Variants in KCTD8 observed in about 807,000 individuals in gnomAD.
KCTD8 encodes potassium channel tetramerization domain containing 8.
KCTD8 carries 27 observed loss-of-function variants against 31.5 expected under a neutral mutation model. The ratio of observed to expected loss-of-function variants is 0.86; its 90% CI spans 0.63 to 1.18. The LOEUF is 1.18. Among genes scored for constraint, KCTD8 ranks in the 50% most tolerant of loss-of-function variants. KCTD8 has a pLI of 0.00. For missense variants in KCTD8, 658 were observed against 647.7 expected (o/e 1.02, Z -0.17); for synonymous variants, 290 against 280.0 (o/e 1.04, Z -0.36).
chr4:44,262,924 G>C (rs971367130), intron 1 of KCTD8, among the ~76,000 whole-genome samples: 1 of 152,004 alleles, frequency 6.6e-6, no homozygotes, highest in Non-Finnish European at 1.5e-5. Flanking sequence ...TATTGTAATT[G>C]GTATGAAAAC....
At chr4:44,179,899 TTACTC>T (rs1478327271) in intron 1 of KCTD8, among the ~76,000 whole-genome samples, 2 of 152,280 alleles carry the variant, frequency 1.3e-5, no homozygotes, top group East Asian at 3.9e-4. Context: ...TAAATAATGA[TTACTC>T]TAGTTGCCCA....
At chr4:44,408,591 A>C (rs566382755) in intron 1 of KCTD8, among the ~76,000 whole-genome samples, 4 of 152,294 alleles carry the variant, frequency 2.6e-5, no homozygotes, top group East Asian at 1.9e-4. Context: ...CTGAATAGAT[A>C]ATTTGTAATC....
intron 1 of KCTD8, among the ~76,000 whole-genome samples, chr4:44,229,955 C>T (rs149229315): frequency 3.7e-3 from 562 of 151,888 alleles, no homozygotes; most frequent in Non-Finnish European, 6.7e-3. Flanking sequence ...TTAGGTATTT[C>T]TCCTAATGCT....
At chr4:44,202,904 A>T (rs910246212) in intron 1 of KCTD8, among the ~76,000 whole-genome samples, 3 of 152,212 alleles carry the variant, frequency 2.0e-5, no homozygotes, top group Non-Finnish European at 4.4e-5. Context: ...AGTATTAAAT[A>T]GGAAAATATT....
intron 1 of KCTD8, among the ~76,000 whole-genome samples, chr4:44,262,574 A>G (rs973956972): frequency 4.6e-5 from 7 of 152,112 alleles, no homozygotes; most frequent in African/African-American, 1.4e-4. Flanking sequence ...ACCAATGACA[A>G]GTAGAATTTG....
At chr4:44,243,998 C>T (rs1715578500) in intron 1 of KCTD8, among the ~76,000 whole-genome samples, 1 of 152,194 alleles carries the variant, frequency 6.6e-6, no homozygotes, top group Non-Finnish European at 1.5e-5. Flanking sequence ...CTTCACTTTA[C>T]TCCCCTCACC....
At chr4:44,202,341 A>G (rs562104682) in intron 1 of KCTD8, among the ~76,000 whole-genome samples, 23 of 152,294 alleles carry the variant, frequency 1.5e-4, no homozygotes, top group Admixed American at 9.8e-4. Context: ...TGTTCATTGC[A>G]GCACTATTCA....
intron 1 of KCTD8, among the ~76,000 whole-genome samples, chr4:44,300,933 T>C: frequency 6.9e-6 from 1 of 144,788 alleles, no homozygotes; most frequent in East Asian, 2.1e-4. Flanking sequence ...GTTCTCATTG[T>C]TCAATTCCCA....
rs2109326314 is a variant in KCTD8 at position 44,174,220 on chromosome 4, C to T, written c.*570G>A. ...TTACATTTATAGGCTTTGTCTAAAA[C>T]ATTTTTTTTTGCTTTTTTTTGTAAT... is the stretch of plus-strand genomic sequence containing the variant. On this transcript the variant is annotated 3_prime_UTR_variant, in exon 2 of 2. Transcript: ENST00000360029. 1 of 151,308 alleles carries T rather than the reference C, an allele frequency of 6.6e-6. No individual in the cohort carries two copies. The highest frequency in any genetic ancestry group is 2.5e-5 in the African/African-American group (1 of 40,294). 9.4% of individuals were successfully genotyped at this position (151,308 alleles called of 1,614,324 possible).
At chr4:44,418,677 T>A (rs912802838) in intron 1 of KCTD8, among the ~76,000 whole-genome samples, 1 of 152,164 alleles carries the variant, frequency 6.6e-6, no homozygotes, top group African/African-American at 2.4e-5. Context: ...AGACATGCCT[T>A]TCACAGAATT....
At position 44,270,397 on chromosome 4, in the gene KCTD8, G is replaced by C. The variant is rs1245792003; in HGVS notation, c.962-95147C>G. On this transcript the variant is annotated intron_variant, in intron 1 of 1. Coordinates refer to ENST00000360029, the MANE Select transcript of KCTD8 (RefSeq NM_198353.3). ...CATACTCTGGGGACTGTTGTGGGGTGGGGGGAGGGAGGAGGGATAGCATTA... is the reference window on the plus strand; with the variant it reads ...CATACTCTGGGGACTGTTGTGGGGTCGGGGGAGGGAGGAGGGATAGCATTA... Among the ~76,000 whole-genome samples the C allele has an allele frequency of 2.6e-5, 3 of 116,068 alleles. No homozygotes were observed. The East Asian group carries it at 9.5e-4, about 37-fold the overall frequency. 76.1% of individuals were successfully genotyped at this position (116,068 alleles called of 152,430 possible).
chr4:44,275,837 G>A (rs755591582), intron 1 of KCTD8, among the ~76,000 whole-genome samples: 89 of 152,114 alleles, frequency 5.9e-4, no homozygotes, highest in Admixed American at 1.0e-3. Flanking sequence ...GTAGTATAAA[G>A]AGAGTGATGG....
At chr4:44,348,293 T>A (rs1454819336) in intron 1 of KCTD8, among the ~76,000 whole-genome samples, 1 of 152,154 alleles carries the variant, frequency 6.6e-6, no homozygotes, top group Non-Finnish European at 1.5e-5. Context: ...GTAACTCAGT[T>A]TTAAATAAAT....
chr4:44,237,580 C>G (rs1442954724), intron 1 of KCTD8, among the ~76,000 whole-genome samples: 1 of 152,160 alleles, frequency 6.6e-6, no homozygotes, highest in African/African-American at 2.4e-5. Flanking sequence ...GTTTTGATCT[C>G]CATCTGTTTA....
chr4:44,212,982 G>C (rs914636676), intron 1 of KCTD8, among the ~76,000 whole-genome samples: 2 of 152,098 alleles, frequency 1.3e-5, no homozygotes, highest in African/African-American at 4.8e-5. Flanking sequence ...CTGTCGCCCA[G>C]GCTGGAGTGC....
At chr4:44,248,460 A>AAAG (rs1715732337) in intron 1 of KCTD8, among the ~76,000 whole-genome samples, 1 of 151,608 alleles carries the variant, frequency 6.6e-6, no homozygotes, top group Admixed American at 6.6e-5. Flanking sequence ...ACCAAAAAAA[A>AAAG]AAAGAAAGAA....
intron 1 of KCTD8, among the ~76,000 whole-genome samples, chr4:44,306,301 A>T (rs1717803898): frequency 1.3e-5 from 2 of 152,042 alleles, no homozygotes; most frequent in Admixed American, 1.3e-4. Context: ...TCTTAGTATG[A>T]TACTATCATT....
rs200181309 is a variant in KCTD8, at chr4:44,220,377, T to C, written c.962-45127A>G. ...TCTTCAGAAGTGGGTGGAAAACACA[T>C]AAGAAATATCTTTGAAGAGTTCACC... is the stretch of plus-strand genomic sequence containing the variant. On this transcript the variant is annotated intron_variant, in intron 1 of 1. Transcript: ENST00000360029. Among the ~76,000 whole-genome samples, 81 of 152,304 alleles carry C rather than the reference T, an allele frequency of 5.3e-4. 1 individual carries two copies. In the East Asian group the frequency reaches 6.4e-3, roughly 12 times the overall value.
At chr4:44,196,873 T>G (rs1473463705) in intron 1 of KCTD8, among the ~76,000 whole-genome samples, 1 of 152,178 alleles carries the variant, frequency 6.6e-6, no homozygotes, top group East Asian at 1.9e-4. Context: ...GATCCCTGAA[T>G]AGCCTAGTAT....
Sources: allele counts gnomAD v4.1 joint callset (sites outside exome capture counted in the v4.1 genomes callset), GRCh38; gene constraint gnomAD v4.1.1; transcripts MANE v1.5; gene names NCBI Gene and HGNC (gene_info 2026-07-23, HGNC 2026-07-21).